Variants in FHIP1A observed in about 807,000 individuals in gnomAD.
The protein encoded by FHIP1A is FHF complex subunit HOOK-interacting protein 1A.
Under a neutral mutation model 88.6 loss-of-function variants are expected in FHIP1A, and 61 were observed. The ratio of observed to expected loss-of-function variants is 0.69; its 90% CI spans 0.56 to 0.85. FHIP1A has a LOEUF of 0.85. Among genes scored for constraint, FHIP1A ranks in the 40% least tolerant of loss-of-function variants. The pLI is 0.00. For missense variants in FHIP1A, 1,154 were observed against 1,273.5 expected (o/e 0.91, Z 1.43); for synonymous variants, 478 against 496.0 (o/e 0.96, Z 0.48).
intron 8 of FHIP1A, 104 bp from the exon 9 acceptor site, chr4:151,638,573 A>C (rs1736452484): frequency 3.1e-6 from 2 of 648,352 alleles, no homozygotes; most frequent in Non-Finnish European, 2.5e-6. Flanking sequence ...GCTAAAAAAA[A>C]AAAAAGGCCA....
chr4:151,594,386 T>C (rs917870574), intron 7 of FHIP1A, among the ~76,000 whole-genome samples: 1 of 152,094 alleles, frequency 6.6e-6, no homozygotes, highest in Non-Finnish European at 1.5e-5. Flanking sequence ...TTTTTTTTGG[T>C]TGGTAGGCAT....
chr4:151,565,660 C>T (rs1301903837), intron 3 of FHIP1A, among the ~76,000 whole-genome samples: 1 of 152,038 alleles, frequency 6.6e-6, no homozygotes, highest in East Asian at 1.9e-4. Flanking sequence ...CCGTTTATTT[C>T]TCTTGCTGTT....
intron 3 of FHIP1A, among the ~76,000 whole-genome samples, chr4:151,490,741 T>TA (rs34863645): frequency 2.1e-4 from 31 of 147,652 alleles, no homozygotes; most frequent in South Asian, 6.5e-4. Context: ...TTAAAGAAAT[T>TA]AAAAAAAAAA....
At chr4:151,643,212 A>G (rs551591024) in intron 9 of FHIP1A, among the ~76,000 whole-genome samples, 60 of 152,228 alleles carry the variant, frequency 3.9e-4, no homozygotes, top group African/African-American at 1.4e-3. Context: ...TTTTCCTGTG[A>G]GTGATGAAAA....
intron 3 of FHIP1A, among the ~76,000 whole-genome samples, chr4:151,540,288 T>C (rs1732236766): frequency 6.6e-6 from 1 of 152,160 alleles, no homozygotes; most frequent in South Asian, 2.1e-4. Context: ...GCTAATAAAA[T>C]AGAGTAGTTG....
At chr4:151,603,268 G>A (rs908491797) in intron 7 of FHIP1A, among the ~76,000 whole-genome samples, 2 of 151,002 alleles carry the variant, frequency 1.3e-5, no homozygotes, top group South Asian at 2.1e-4. Context: ...AGCCAAAATC[G>A]CACCACTGCA....
chr4:151,486,647 G>C (rs922955954), intron 3 of FHIP1A, among the ~76,000 whole-genome samples: 6 of 152,138 alleles, frequency 3.9e-5, no homozygotes, highest in Non-Finnish European at 5.9e-5. Flanking sequence ...GCTGAAGTCA[G>C]ATTATGTTCT....
chr4:151,614,981 T>C (rs930579837), intron 7 of FHIP1A, among the ~76,000 whole-genome samples: 2 of 152,190 alleles, frequency 1.3e-5, no homozygotes, highest in African/African-American at 4.8e-5. Flanking sequence ...GTGAGTTCTC[T>C]GCAGAAGCTG....
chr4:151,447,430 G>A (rs900244495), intron 1 of FHIP1A, among the ~76,000 whole-genome samples: 12 of 152,072 alleles, frequency 7.9e-5, no homozygotes, highest in Non-Finnish European at 1.0e-4. Context: ...ACTTCTGCTC[G>A]AAGTATTAGC....
chr4:151,485,441 T>A (rs984122272), intron 3 of FHIP1A, among the ~76,000 whole-genome samples: 1 of 152,108 alleles, frequency 6.6e-6, no homozygotes. Flanking sequence ...ACTGAACTGA[T>A]GTACTCAGAG....
At chr4:151,555,429 C>A (rs940300018) in intron 3 of FHIP1A, among the ~76,000 whole-genome samples, 1 of 152,068 alleles carries the variant, frequency 6.6e-6, no homozygotes, top group Non-Finnish European at 1.5e-5. Flanking sequence ...ACTATGCCCC[C>A]ACTTACACAA....
At chr4:151,521,566 A>G (rs1340175286) in intron 3 of FHIP1A, among the ~76,000 whole-genome samples, 2 of 152,170 alleles carry the variant, frequency 1.3e-5, no homozygotes, top group Non-Finnish European at 2.9e-5. Context: ...CAAGGACTAT[A>G]CCTAGAACAG....
chr4:151,485,812 C>T (rs1025686045), intron 3 of FHIP1A, among the ~76,000 whole-genome samples: 1 of 151,982 alleles, frequency 6.6e-6, no homozygotes, highest in African/African-American at 2.4e-5. Context: ...CCTTCTTGAA[C>T]TCCTGAGTTC....
chr4:151,449,147 A>G lies in FHIP1A; in HGVS notation c.-355-5554A>G, dbSNP rs916893126. On this transcript the variant is annotated intron_variant, in intron 1 of 13. Coordinates refer to ENST00000435205, the MANE Select transcript of FHIP1A (RefSeq NM_001109977.3). Reference sequence around the variant, plus strand: ...CATTCTAGTATGATGCCTGATACATAGTAAGCTCAAAAATAATGATTGCAT... The same window carrying G: ...CATTCTAGTATGATGCCTGATACATGGTAAGCTCAAAAATAATGATTGCAT... Among the ~76,000 whole-genome samples the G allele has an allele frequency of 1.3e-4, 20 of 152,202 alleles. 1 individual carries two copies. The highest frequency in any genetic ancestry group is 1.2e-3 in the Admixed American group (18 of 15,274).
chr4:151,553,730 T>C (rs1408671604), intron 3 of FHIP1A, among the ~76,000 whole-genome samples: 12 of 152,192 alleles, frequency 7.9e-5, no homozygotes, highest in Admixed American at 7.9e-4. Context: ...TTCAAGTCAT[T>C]GTTTTGCCTA....
chr4:151,411,552 G>A (rs563481085), intron 1 of FHIP1A, among the ~76,000 whole-genome samples: 25 of 151,906 alleles, frequency 1.6e-4, no homozygotes, highest in African/African-American at 5.8e-4. Context: ...GTTTTGCCAC[G>A]TTGCCCAGGC....
At position 151,431,548 on chromosome 4, in the gene FHIP1A, G is replaced by A. The variant is rs1733592880; in HGVS notation, c.-356+22083G>A. ...TTAAGGGAAAGAGAATTACTTTTCT[G>A]TGTGAGATAGTGCCACTTTGGGAAA... On this transcript the variant is annotated intron_variant, in intron 1 of 13. Coordinates refer to ENST00000435205, the MANE Select transcript of FHIP1A (RefSeq NM_001109977.3). Among the ~76,000 whole-genome samples, 4 of 152,048 alleles carry A rather than the reference G, an allele frequency of 2.6e-5. No individual in the cohort carries two copies. The South Asian group carries it at 8.3e-4, about 32-fold the overall frequency.
chr4:151,646,765 G>A lies in FHIP1A; in HGVS notation c.1417+17G>A. ...ACACTTCAGGTAGGAACTCGCTAGT[G>A]ATGATCTTTAAACAAAAGGATGCCA... On this transcript the variant is annotated intron_variant, in intron 10 of 13. Coordinates refer to ENST00000435205, the MANE Select transcript of FHIP1A (RefSeq NM_001109977.3). 6.6e-7 allele frequency: 1 copy of A among 1,518,912 alleles called. No individual in the cohort carries two copies. The allele number at this position is 1,518,912 out of a possible 1,614,324, so 94.1% of individuals were successfully genotyped here. A position where few individuals can be genotyped will look rare whatever the true frequency, so the allele number is the denominator to read the frequency against.
intron 3 of FHIP1A, among the ~76,000 whole-genome samples, chr4:151,504,607 G>GTTATGTTATC (rs1282977562): frequency 2.1e-4 from 14 of 68,070 alleles, no homozygotes; most frequent in African/African-American, 7.3e-4. Context: ...GTTATGTTAT[G>GTTATGTTATC]TCATGTTATG....
Sources: allele counts gnomAD v4.1 joint callset (sites outside exome capture counted in the v4.1 genomes callset), GRCh38; gene constraint gnomAD v4.1.1; transcripts MANE v1.5; gene names NCBI Gene and HGNC (gene_info 2026-07-23, HGNC 2026-07-21).